NKAIN2: variants seen among roughly 807,000 people sequenced by gnomAD.
NKAIN2 encodes the protein sodium/potassium-transporting ATPase subunit beta-1-interacting protein 2.
A neutral mutation model predicts 32.6 loss-of-function variants in NKAIN2; 14 were observed. That is an observed-to-expected ratio of 0.43 (90% CI 0.28 to 0.67). The LOEUF (loss-of-function observed/expected upper bound fraction) is 0.67. Ranked by LOEUF, NKAIN2 falls within the 30% of genes least tolerant of loss-of-function variation. The probability of loss-of-function intolerance (pLI) is 0.17; values close to 1 mark genes in which losing one functional copy is unlikely to be tolerated. For missense variants in NKAIN2, 198 were observed against 258.3 expected (o/e 0.77, Z 1.60); for synonymous variants, 80 against 87.2 (o/e 0.92, Z 0.46).
chr6:124,218,019 T>C (rs1363143133), intron 1 of NKAIN2, among the ~76,000 whole-genome samples: 1 of 151,504 alleles, frequency 6.6e-6, no homozygotes, highest in Non-Finnish European at 1.5e-5. Flanking sequence ...TTCTGAAAGC[T>C]ACAGTTCCAG....
chr6:124,711,792 A>C (rs1775477653), intron 4 of NKAIN2, among the ~76,000 whole-genome samples: 1 of 151,928 alleles, frequency 6.6e-6, no homozygotes, highest in Non-Finnish European at 1.5e-5. Flanking sequence ...GAGTAATTTG[A>C]TTGTCTGAAG....
intron 1 of NKAIN2, among the ~76,000 whole-genome samples, chr6:124,153,523 ATCT>A (rs1163376673): frequency 1.1e-4 from 16 of 151,756 alleles, no homozygotes; most frequent in Non-Finnish European, 2.1e-4. Context: ...TACTTATTAA[ATCT>A]TCTTTCAGTC....
chr6:124,217,831 A>G (rs1016298374), intron 1 of NKAIN2, among the ~76,000 whole-genome samples: 3 of 152,108 alleles, frequency 2.0e-5, no homozygotes, highest in Non-Finnish European at 2.9e-5. Flanking sequence ...ATATATAGAG[A>G]GAGATATAGA....
At chr6:124,773,190 T>TAAGATAGAAG (rs2114764458) in intron 4 of NKAIN2, among the ~76,000 whole-genome samples, 1 of 152,238 alleles carries the variant, frequency 6.6e-6, no homozygotes, top group African/African-American at 2.4e-5. Context: ...AGAACCGTTT[T>TAAGATAGAAG]AAGATAGAAG....
At chr6:123,871,301 C>T (rs552816221) in intron 1 of NKAIN2, among the ~76,000 whole-genome samples, 16 of 152,072 alleles carry the variant, frequency 1.1e-4, no homozygotes, top group African/African-American at 3.4e-4. Flanking sequence ...ATTTGTTCAC[C>T]ACTTCATCCC....
intron 1 of NKAIN2, among the ~76,000 whole-genome samples, chr6:123,891,165 A>G (rs1773996770): frequency 6.6e-6 from 1 of 152,116 alleles, no homozygotes; most frequent in Non-Finnish European, 1.5e-5. Flanking sequence ...CAGAAAATAG[A>G]ATGGAGGTTA....
intron 3 of NKAIN2, among the ~76,000 whole-genome samples, chr6:124,440,211 G>T (rs1226193887): frequency 6.6e-6 from 1 of 152,072 alleles, no homozygotes; most frequent in African/African-American, 2.4e-5. Context: ...TAGGACTGAT[G>T]AATCTAGGTG....
rs530726327 is a variant in NKAIN2 at position 124,151,313 on chromosome 6, G to A, written c.55-131692G>A. Among the ~76,000 whole-genome samples, 7 of 152,030 alleles carry A rather than the reference G, an allele frequency of 4.6e-5. No homozygotes were observed. The South Asian group carries it at 1.2e-3, about 27-fold the overall frequency. Reference sequence around the variant, plus strand: ...ATATAATGATGAACACAAATCAGAAGTATACAACAGATCAATTTAAATAAT... The same window carrying A: ...ATATAATGATGAACACAAATCAGAAATATACAACAGATCAATTTAAATAAT... On this transcript the variant is annotated intron_variant, in intron 1 of 6. Transcript: ENST00000368417.
intron 4 of NKAIN2, among the ~76,000 whole-genome samples, chr6:124,779,115 T>C (rs932133029): frequency 2.6e-5 from 4 of 151,878 alleles, no homozygotes; most frequent in African/African-American, 9.7e-5. Flanking sequence ...TGGCACAGGC[T>C]TGTAATCCCA....
At chr6:123,818,128 T>C (rs1346793565) in intron 1 of NKAIN2, among the ~76,000 whole-genome samples, 1 of 152,176 alleles carries the variant, frequency 6.6e-6, no homozygotes, top group Non-Finnish European at 1.5e-5. Flanking sequence ...TATATGTTTC[T>C]TCATGAAATG....
At chr6:124,706,826 T>A (rs1049672974) in intron 4 of NKAIN2, among the ~76,000 whole-genome samples, 8 of 152,126 alleles carry the variant, frequency 5.3e-5, no homozygotes, top group African/African-American at 1.9e-4. Flanking sequence ...ATGTTTTCTT[T>A]ATTTATAGTT....
At chr6:124,539,835 C>T (rs931339854) in intron 3 of NKAIN2, among the ~76,000 whole-genome samples, 1 of 152,240 alleles carries the variant, frequency 6.6e-6, no homozygotes, top group African/African-American at 2.4e-5. Flanking sequence ...ATTCTCCTGC[C>T]TCAGCCTCCC....
At chr6:124,164,500 G>C (rs1788434275) in intron 1 of NKAIN2, among the ~76,000 whole-genome samples, 1 of 152,048 alleles carries the variant, frequency 6.6e-6, no homozygotes, top group Admixed American at 6.6e-5. Context: ...TAAAAAGCAA[G>C]TACCATGGGG....
At chr6:123,899,387 C>T (rs1008075811) in intron 1 of NKAIN2, among the ~76,000 whole-genome samples, 1 of 152,130 alleles carries the variant, frequency 6.6e-6, no homozygotes, top group African/African-American at 2.4e-5. Context: ...TGTCTCCCTT[C>T]TCTCTTTCTC....
intron 2 of NKAIN2, among the ~76,000 whole-genome samples, chr6:124,284,326 G>A (rs932611393): frequency 2.6e-5 from 4 of 152,128 alleles, no homozygotes; most frequent in Admixed American, 2.6e-4. Context: ...TGAGTCCTCT[G>A]AAGTCATAAT....
intron 4 of NKAIN2, among the ~76,000 whole-genome samples, chr6:124,720,976 C>T (rs868564307): frequency 3.3e-5 from 5 of 152,130 alleles, no homozygotes; most frequent in African/African-American, 9.7e-5. Context: ...ATGTGATAAC[C>T]CATTTCATAG....
intron 1 of NKAIN2, among the ~76,000 whole-genome samples, chr6:124,177,549 A>G (rs1423511792): frequency 1.3e-5 from 2 of 152,184 alleles, no homozygotes; most frequent in Non-Finnish European, 2.9e-5. Flanking sequence ...TAGGAAATAC[A>G]AAAAAATTAA....
chr6:123,993,399 A>G (rs1007520863), intron 1 of NKAIN2, among the ~76,000 whole-genome samples: 2 of 152,164 alleles, frequency 1.3e-5, no homozygotes, highest in Non-Finnish European at 2.9e-5. Context: ...TAAAATTTAC[A>G]ATTTTATAAA....
At chr6:124,083,208 T>G (rs1262942991) in intron 1 of NKAIN2, among the ~76,000 whole-genome samples, 1 of 151,886 alleles carries the variant, frequency 6.6e-6, no homozygotes, top group East Asian at 1.9e-4. Flanking sequence ...CTGTGAAACT[T>G]TGGACTTAAC....
Sources: allele counts gnomAD v4.1 joint callset (sites outside exome capture counted in the v4.1 genomes callset), GRCh38; gene constraint gnomAD v4.1.1; transcripts MANE v1.5; gene names NCBI Gene and HGNC (gene_info 2026-07-23, HGNC 2026-07-21).